ARHGEF37: variants seen among roughly 807,000 people sequenced by gnomAD.
The protein encoded by ARHGEF37 is Rho guanine nucleotide exchange factor (GEF) 37.
In ARHGEF37, 55 loss-of-function variants were observed where a neutral mutation model predicts 71.1. The ratio of observed to expected loss-of-function variants is 0.77; its 90% CI spans 0.62 to 0.97. The LOEUF (loss-of-function observed/expected upper bound fraction) is 0.97, where lower values mean the gene tolerates loss of function less well. Among genes scored for constraint, ARHGEF37 ranks in the 50% least tolerant of loss-of-function variants. The probability of loss-of-function intolerance (pLI) is 0.00; values close to 1 mark genes in which losing one functional copy is unlikely to be tolerated. For synonymous variants in ARHGEF37, 327 were observed against 350.6 expected (o/e 0.93, Z 0.75); for missense variants, 765 against 836.8 (o/e 0.91, Z 1.06).
At chr5:149,608,193 G>T (rs1032285043) in intron 3 of ARHGEF37, among the ~76,000 whole-genome samples, 1 of 152,116 alleles carries the variant, frequency 6.6e-6, no homozygotes, top group African/African-American at 2.4e-5. Flanking sequence ...ATCTTCAGTT[G>T]CTTCAGGCCA....
chr5:149,599,890 T>C (rs143875110), intron 2 of ARHGEF37, among the ~76,000 whole-genome samples: 1 of 152,334 alleles, frequency 6.6e-6, no homozygotes, highest in East Asian at 1.9e-4. Context: ...TCTTTTATTT[T>C]ACCCTCCAGA....
rs369253532 is a variant in ARHGEF37, at chr5:149,630,334, C to T, written c.1818+1368C>T. Among the ~76,000 whole-genome samples the T allele has an allele frequency of 1.7e-3, 264 of 152,218 alleles. 4 individuals are homozygous for T. In the South Asian group the frequency reaches 0.053, roughly 31 times the overall value. On this transcript the variant is annotated intron_variant, in intron 12 of 12. Coordinates refer to ENST00000333677, the MANE Select transcript of ARHGEF37 (RefSeq NM_001001669.3). ...GCTGGGCTGCATGTATTGTGAACCT[C>T]CCTCAATGGAGGCAGCCCTCACAAT...
At chr5:149,571,391 GATT>G (rs1329863827) in intron 1 of ARHGEF37, among the ~76,000 whole-genome samples, 5 of 152,144 alleles carry the variant, frequency 3.3e-5, no homozygotes, top group Admixed American at 6.5e-5. Context: ...GAGTAGCTGG[GATT>G]ACATACAAAA....
At chr5:149,555,758 C>T (rs1762745729) in intron 1 of ARHGEF37, among the ~76,000 whole-genome samples, 1 of 152,074 alleles carries the variant, frequency 6.6e-6, no homozygotes, top group Admixed American at 6.6e-5. Context: ...AAGAGTAGAA[C>T]ACAAATTAGG....
At chr5:149,603,628 G>C (rs1185876334) in intron 3 of ARHGEF37, among the ~76,000 whole-genome samples, 1 of 152,090 alleles carries the variant, frequency 6.6e-6, no homozygotes, top group Non-Finnish European at 1.5e-5. Flanking sequence ...CAAAATTAAA[G>C]AACAAGATTT....
At chr5:149,580,919 A>AT (rs1215638189), upstream of ARHGEF37, among the ~76,000 whole-genome samples, 1 of 152,196 alleles carries the variant, frequency 6.6e-6, no homozygotes. Flanking sequence ...CAGGAGCCCA[A>AT]TAAGGCCAGG....
chr5:149,595,843 G>C (rs181312207), intron 1 of ARHGEF37, among the ~76,000 whole-genome samples: 2 of 152,154 alleles, frequency 1.3e-5, no homozygotes, highest in African/African-American at 4.8e-5. Context: ...AGTGAAGGCA[G>C]GTGTGTTGTT....
chr5:149,591,714 C>T (rs185335446), intron 1 of ARHGEF37, among the ~76,000 whole-genome samples: 2 of 152,198 alleles, frequency 1.3e-5, no homozygotes, highest in Non-Finnish European at 2.9e-5. Flanking sequence ...CTTTGAGTAC[C>T]CATACAACTA....
intron 1 of ARHGEF37, among the ~76,000 whole-genome samples, chr5:149,592,762 G>GTTTGTT (rs780108678): frequency 1.9e-4 from 29 of 152,012 alleles, no homozygotes; most frequent in South Asian, 6.2e-4. Context: ...TTTTTGGTTT[G>GTTTGTT]TTTGTTTTTG....
chr5:149,570,692 A>G (rs143171773), intron 1 of ARHGEF37, among the ~76,000 whole-genome samples: 3,649 of 151,558 alleles, frequency 0.024, 77 homozygotes, highest in East Asian at 0.089. Flanking sequence ...CCTGGCCAAT[A>G]TGGTGAAACC....
chr5:149,618,729 A>G lies in ARHGEF37; in HGVS notation c.790-209A>G, dbSNP rs182256844. On this transcript the variant is annotated intron_variant, in intron 6 of 12. Transcript: ENST00000333677. ...CCAGAGTCACACGGCTAGGAAGCCA[A>G]TGAACTGGGGCTCATGCTTGTGTAT... is the stretch of plus-strand genomic sequence containing the variant. 2.3e-3 allele frequency among the ~76,000 whole-genome samples: 349 copies of G among 152,344 alleles called. 9 individuals are homozygous for G. Among genetic ancestry groups the G allele is most frequent in the Admixed American group, 0.02 (305 of 15,300 alleles).
intron 7 of ARHGEF37, among the ~76,000 whole-genome samples, chr5:149,619,774 A>T (rs993230442): frequency 6.6e-6 from 1 of 152,220 alleles, no homozygotes; most frequent in African/African-American, 2.4e-5. Flanking sequence ...GGACATGGGA[A>T]AAAACAAACG....
chr5:149,571,774 G>T (rs145393178), intron 1 of ARHGEF37, among the ~76,000 whole-genome samples: 1 of 151,798 alleles, frequency 6.6e-6, no homozygotes, highest in Non-Finnish European at 1.5e-5. Context: ...TAAAAAGTTA[G>T]CTGGGTATGG....
chr5:149,615,374 G>T (rs1752346729), intron 4 of ARHGEF37, among the ~76,000 whole-genome samples: 1 of 151,222 alleles, frequency 6.6e-6, no homozygotes, highest in South Asian at 2.1e-4. Flanking sequence ...CTGGCCTCAA[G>T]CAATCATTTT....
chr5:149,575,916 T>A (rs887224995), intron 1 of ARHGEF37, among the ~76,000 whole-genome samples: 1 of 149,394 alleles, frequency 6.7e-6, no homozygotes, highest in Non-Finnish European at 1.5e-5. Context: ...TAGCTGGGCG[T>A]GTTGGCACCT....
intron 1 of ARHGEF37, among the ~76,000 whole-genome samples, chr5:149,594,140 G>A (rs1164887000): frequency 6.6e-6 from 1 of 152,152 alleles, no homozygotes; most frequent in Non-Finnish European, 1.5e-5. Flanking sequence ...TAATCTAAGG[G>A]ATAACACATG....
At chr5:149,556,167 C>T (rs1040791878) in intron 1 of ARHGEF37, among the ~76,000 whole-genome samples, 4 of 152,070 alleles carry the variant, frequency 2.6e-5, no homozygotes, top group African/African-American at 9.6e-5. Context: ...GCCTTAGAAA[C>T]GTCAGTGTCC....
chr5:149,572,330 A>T (rs1458027930), intron 1 of ARHGEF37, among the ~76,000 whole-genome samples: 3 of 152,232 alleles, frequency 2.0e-5, no homozygotes. Context: ...CATAGTATGT[A>T]AATATTGTTA....
In ARHGEF37 at chr5:149,629,553, C is replaced by A. The variant is rs116346415; in HGVS notation, c.1818+587C>A. ...ATGGAAAGAGCTCTGCAGAAAAGGC[C>A]CAGTGACAGGAGAGGGCAGGAGGTA... On this transcript the variant is annotated intron_variant, in intron 12 of 12. Transcript: ENST00000333677. Among the ~76,000 whole-genome samples, 463 of 152,010 alleles carry A rather than the reference C, an allele frequency of 3.0e-3. 4 individuals are homozygous for A. Among genetic ancestry groups the A allele is most frequent in the African/African-American group, 0.01 (429 of 41,422 alleles).
Sources: allele counts gnomAD v4.1 joint callset (sites outside exome capture counted in the v4.1 genomes callset), GRCh38; gene constraint gnomAD v4.1.1; transcripts MANE v1.5; gene names NCBI Gene and HGNC (gene_info 2026-07-23, HGNC 2026-07-21).